The following EFEMP1 variants were observed in gnomAD, a reference collection of about 807,000 sequenced individuals.
EFEMP1 encodes the protein EGF-containing fibulin-like extracellular matrix protein 1.
In EFEMP1, 18 loss-of-function variants were observed where a neutral mutation model predicts 65.7. That is an observed-to-expected ratio of 0.27 (90% CI 0.19 to 0.41). The LOEUF (loss-of-function observed/expected upper bound fraction) is 0.41, where lower values mean the gene tolerates loss of function less well. Among genes scored for constraint, EFEMP1 ranks in the 10% least tolerant of loss-of-function variants. The pLI is 1.00. For synonymous variants in EFEMP1, 237 were observed against 219.7 expected (o/e 1.08, Z -0.70); for missense variants, 469 against 624.8 (o/e 0.75, Z 2.66).
intron 5 of EFEMP1, among the ~76,000 whole-genome samples, chr2:55,897,181 A>T (rs1198206112): frequency 6.6e-6 from 1 of 152,094 alleles, no homozygotes; most frequent in Non-Finnish European, 1.5e-5. Flanking sequence ...TAGGCCCCAT[A>T]AGCTTTTATC....
intron 5 of EFEMP1, among the ~76,000 whole-genome samples, chr2:55,888,690 A>G (rs1669520673): frequency 6.6e-6 from 1 of 152,156 alleles, no homozygotes; most frequent in South Asian, 2.1e-4. Flanking sequence ...ATTAACAACC[A>G]TTCATCAGTC....
chr2:55,896,444 T>C (rs1400632596), intron 5 of EFEMP1, among the ~76,000 whole-genome samples: 1 of 152,204 alleles, frequency 6.6e-6, no homozygotes, highest in African/African-American at 2.4e-5. Context: ...AAACTAGAAA[T>C]GGCCTGAAAC....
rs530007055 is a variant in EFEMP1 at position 55,883,816 on chromosome 2, A to G, written c.518-2082T>C. ...GATTTTAAACACAAAAACCTGTGCT[A>G]CTCCTTCTTAAGAATGAGGTCTGTT... is the stretch of plus-strand genomic sequence containing the variant. On this transcript the variant is annotated intron_variant, in intron 5 of 11. Coordinates refer to ENST00000355426, the MANE Select transcript of EFEMP1 (RefSeq NM_001039348.3). The surrounding 1 kb of genome is among the most constrained non-coding windows in gnomAD (Gnocchi z 4.5). 1.1e-4 allele frequency among the ~76,000 whole-genome samples: 17 copies of G among 152,144 alleles called. No individual in the cohort carries two copies. Among genetic ancestry groups the G allele is most frequent in the Admixed American group, 9.2e-4 (14 of 15,272 alleles).
chr2:55,874,856 T>C (rs1668964025), intron 9 of EFEMP1, 90 bp downstream of exon 9: 1 of 1,370,516 alleles, frequency 7.3e-7, no homozygotes, highest in Non-Finnish European at 9.8e-7. Flanking sequence ...GTGGGAAAAA[T>C]GAAAGTCTAT....
rs776282742 is a variant in EFEMP1 at position 55,897,027 on chromosome 2, C to T, written c.518-15293G>A. On this transcript the variant is annotated intron_variant, in intron 5 of 11. Coordinates refer to ENST00000355426, the MANE Select transcript of EFEMP1 (RefSeq NM_001039348.3). ...CTGCCTGGAACATTCTTTCTCCTTT[C>T]CCTACTTCTCTAAAGTCTAAATGCC... Among the ~76,000 whole-genome samples the T allele has an allele frequency of 5.9e-5, 9 of 152,204 alleles. 1 individual carries two copies. In the South Asian group the frequency reaches 1.4e-3, roughly 25 times the overall value.
chr2:55,881,655 A>C lies in EFEMP1; in HGVS notation c.597T>G (p.Cys199Trp). ...VCINLRGSFA[C>W]QCPPGYQKRG... ...GCTTCTGATATCCAGGAGGGCACTGACATGCAAAGGATCCCCGTAAATTGA... is the reference window on the plus strand; with the variant it reads ...GCTTCTGATATCCAGGAGGGCACTGCCATGCAAAGGATCCCCGTAAATTGA... The change falls in exon 6 of 12, where the codon TGT (cysteine) becomes TGG (tryptophan). Residue 199 changes from cysteine to tryptophan, a missense_variant. By Grantham distance (215) the Cys-to-Trp change is radical. Around this residue, in one of 3 missense-constraint regions of EFEMP1, gnomAD observed 399 missense variants for 528.2 expected, o/e 0.76. Transcript: ENST00000355426. The C allele has an allele frequency of 6.2e-7, 1 of 1,613,928 alleles. No individual in the cohort carries two copies. Among genetic ancestry groups the C allele is most frequent in the Non-Finnish European group, 8.5e-7 (1 of 1,179,912 alleles).
At chr2:55,881,773 T>C in intron 5 of EFEMP1, 39 bp from the exon 6 acceptor site, 2 of 1,613,712 alleles carry the variant, frequency 1.2e-6, no homozygotes, top group Non-Finnish European at 1.7e-6. Flanking sequence ...TTGTCAGTTG[T>C]GAAGATGTTG....
intron 11 of EFEMP1, among the ~76,000 whole-genome samples, chr2:55,868,301 G>C (rs1457721052): frequency 6.6e-6 from 1 of 152,070 alleles, no homozygotes; most frequent in Non-Finnish European, 1.5e-5. Flanking sequence ...ACCATTCTAT[G>C]TGCTGAGGAT....
intron 5 of EFEMP1, among the ~76,000 whole-genome samples, chr2:55,910,741 T>C (rs1226140991): frequency 1.3e-5 from 2 of 152,182 alleles, no homozygotes; most frequent in Non-Finnish European, 2.9e-5. Context: ...AAATTTCTTA[T>C]AAAGTTTAAA....
At chr2:55,920,537 G>A (rs536783176) in intron 3 of EFEMP1, among the ~76,000 whole-genome samples, 1 of 152,324 alleles carries the variant, frequency 6.6e-6, no homozygotes, top group Admixed American at 6.5e-5. Flanking sequence ...GTGGATACGA[G>A]CCCATTCTTC....
intron 8 of EFEMP1, among the ~76,000 whole-genome samples, chr2:55,876,182 G>T (rs1160718825): frequency 6.6e-6 from 1 of 151,978 alleles, no homozygotes; most frequent in Admixed American, 6.6e-5. Flanking sequence ...CAGATCTCCT[G>T]ATTTTTATTT....
chr2:55,872,916 A>C (rs1668870878), intron 9 of EFEMP1, among the ~76,000 whole-genome samples: 1 of 152,072 alleles, frequency 6.6e-6, no homozygotes, highest in African/African-American at 2.4e-5. Context: ...ACAACCTTAT[A>C]ATTTCATTTA....
At chr2:55,904,089 A>G (rs35387878) in intron 5 of EFEMP1, among the ~76,000 whole-genome samples, 58,464 of 151,922 alleles carry the variant, frequency 0.38, 12,874 homozygotes, top group African/African-American at 0.61. Context: ...GTTTGAATAT[A>G]GTCCTGGCCC....
chr2:55,907,468 G>A (rs1381321920), intron 5 of EFEMP1, among the ~76,000 whole-genome samples: 1 of 152,116 alleles, frequency 6.6e-6, no homozygotes, highest in Non-Finnish European at 1.5e-5. Flanking sequence ...GTAAAAATAC[G>A]ATTCTGAGGA....
rs1478976152 is a variant in EFEMP1, at chr2:55,917,387, C to T, written c.517+278G>A. On this transcript the variant is annotated intron_variant, in intron 5 of 11. Coordinates refer to ENST00000355426, the MANE Select transcript of EFEMP1 (RefSeq NM_001039348.3). The surrounding 1 kb of genome is among the most constrained non-coding windows in gnomAD (Gnocchi z 6.3). The stretch of plus-strand genomic sequence containing the variant: ...CTGGGCTGGGGTGTAGCTTCGCCAT[C>T]GAGAAGTTTTAAAGGTTCCCAAGTG... Among the ~76,000 whole-genome samples the T allele has an allele frequency of 6.6e-6, 1 of 152,122 alleles. No homozygotes were observed. The highest frequency in any genetic ancestry group is 1.5e-5 in the Non-Finnish European group (1 of 68,018).
In EFEMP1 at chr2:55,922,946, G is replaced by T; in HGVS notation, c.-48-7C>A. ...CACAGCACAGCAAAAATACCTGTGA[G>T]CCAATATGAATTGCCTTGGCCTCAA... On this transcript the variant is annotated splice_polypyrimidine_tract_variant and splice_region_variant and intron_variant, in intron 1 of 11. Transcript: ENST00000355426. This position sits in a 1 kb window ranked among gnomAD's most constrained non-coding sequence, Gnocchi z 5.5. 1 of 1,017,262 alleles carries T rather than the reference G, an allele frequency of 9.8e-7. No individual in the cohort carries two copies. The allele number at this position is 1,017,262 out of a possible 1,614,324, so 63.0% of individuals were successfully genotyped here.
In EFEMP1 at chr2:55,885,223, GTT is replaced by G. The variant is rs1311899106; in HGVS notation, c.518-3491_518-3490del. Among the ~76,000 whole-genome samples, 1 of 152,226 alleles carries G rather than the reference GTT, an allele frequency of 6.6e-6. No homozygotes were observed. Among genetic ancestry groups the G allele is most frequent in the Non-Finnish European group, 1.5e-5 (1 of 68,038 alleles). Reference sequence around the variant, plus strand: ...CATGGGTTGCCAGGAAAAGGAAGCTGTTTCTAGGCAGAAAGCAGCTCACATTA... The same window carrying G: ...CATGGGTTGCCAGGAAAAGGAAGCTGTCTAGGCAGAAAGCAGCTCACATTA... On this transcript the variant is annotated intron_variant, in intron 5 of 11. Coordinates refer to ENST00000355426, the MANE Select transcript of EFEMP1 (RefSeq NM_001039348.3). This position sits in a 1 kb window ranked among gnomAD's most constrained non-coding sequence, Gnocchi z 4.3.
chr2:55,876,008 T>G (rs1278780812), intron 8 of EFEMP1, among the ~76,000 whole-genome samples: 2 of 151,934 alleles, frequency 1.3e-5, no homozygotes, highest in African/African-American at 4.8e-5. Context: ...CCCCTCAGGA[T>G]GTCTAATGCC....
rs1279710683 is a variant in EFEMP1 at position 55,917,765 on chromosome 2, G to T, written c.417C>A (p.Ile139=). Residue 139 remains isoleucine (I), a synonymous_variant, in exon 5 of 12, where the codon ATC becomes ATA. Transcript: ENST00000355426. The surrounding 1 kb of genome is among the most constrained non-coding windows in gnomAD (Gnocchi z 6.3). ...GCTGAGGGTCAGCTGGGTTCCGCCG[G>T]ATGACAAAGTTATTTCGGCCAGTCT... The part of the protein sequence containing the change: ...EMQTGRNNFV[I]RRNPADPQRI... 3 of 1,614,184 alleles carry T rather than the reference G, an allele frequency of 1.9e-6. No homozygotes were observed. The South Asian group carries it at 3.3e-5, about 18-fold the overall frequency.
Sources: allele counts gnomAD v4.1 joint callset (sites outside exome capture counted in the v4.1 genomes callset), GRCh38; gene constraint gnomAD v4.1.1; regional missense constraint gnomAD v4.1.1; non-coding constraint Gnocchi (gnomAD v3.1); transcripts MANE v1.5; gene names NCBI Gene and HGNC (gene_info 2026-07-23, HGNC 2026-07-21).